Variants in PDE4B observed in about 807,000 individuals in gnomAD.
The protein encoded by PDE4B is phosphodiesterase 4B.
Under a neutral mutation model 82.2 loss-of-function variants are expected in PDE4B, and 20 were observed. The ratio of observed to expected loss-of-function variants is 0.24; its 90% CI spans 0.17 to 0.35. PDE4B has a LOEUF of 0.35. PDE4B is among the 10% of genes least tolerant of loss of function. The pLI is 1.00. For missense variants in PDE4B, 655 were observed against 907.2 expected, an observed-to-expected ratio of 0.72 and a Z score of 3.57; for synonymous variants, 320 against 318.9, an observed-to-expected ratio of 1.00 and a Z score of -0.04.
At chr1:66,027,378 G>T (rs1487109823) in intron 3 of PDE4B, among the ~76,000 whole-genome samples, 1 of 152,104 alleles carries the variant, frequency 6.6e-6, no homozygotes, top group African/African-American at 2.4e-5. Flanking sequence ...ACCTCCCCCT[G>T]GGTCCCTCCC....
intron 1 of PDE4B, among the ~76,000 whole-genome samples, chr1:65,813,893 CAAAAA>C (rs5774766): frequency 2.9e-5 from 3 of 103,416 alleles, no homozygotes; most frequent in Non-Finnish European, 4.0e-5. Context: ...GGCACTGCGG[CAAAAA>C]AAAAAAAAAA....
chr1:65,837,311 G>A (rs895684715), intron 1 of PDE4B, among the ~76,000 whole-genome samples: 2 of 152,108 alleles, frequency 1.3e-5, no homozygotes, highest in African/African-American at 2.4e-5. Context: ...CTACCTACAG[G>A]CCGGGCACAG....
At chr1:66,319,945 G>A (rs1373217538) in intron 7 of PDE4B, among the ~76,000 whole-genome samples, 1 of 151,988 alleles carries the variant, frequency 6.6e-6, no homozygotes, top group African/African-American at 2.4e-5. Flanking sequence ...CCAAAATTTG[G>A]CCCTGACCAC....
chr1:66,336,484 T>C (rs958147962), intron 8 of PDE4B, among the ~76,000 whole-genome samples: 6 of 152,208 alleles, frequency 3.9e-5, no homozygotes, highest in Non-Finnish European at 8.8e-5. Flanking sequence ...AAAAGCTATA[T>C]TCAAGCAACT....
chr1:66,013,828 G>T (rs1652623656), intron 3 of PDE4B, among the ~76,000 whole-genome samples: 1 of 152,082 alleles, frequency 6.6e-6, no homozygotes, highest in Admixed American at 6.6e-5. Flanking sequence ...AAATGGAAGT[G>T]CTGAGTCATA....
chr1:66,106,198 C>T (rs1181352886), intron 3 of PDE4B, among the ~76,000 whole-genome samples: 6 of 151,714 alleles, frequency 4.0e-5, no homozygotes, highest in Admixed American at 6.6e-5. Context: ...TTGAGATAAT[C>T]GTGGTTTTTG....
At chr1:66,314,945 C>G (rs184926298) in intron 7 of PDE4B, among the ~76,000 whole-genome samples, 4 of 152,186 alleles carry the variant, frequency 2.6e-5, no homozygotes, top group Non-Finnish European at 4.4e-5. Flanking sequence ...ATGGTTTGCC[C>G]TTGCTGTTTT....
At chr1:66,360,507 C>G (rs913516752) in intron 9 of PDE4B, 1 of 152,248 alleles carries the variant, frequency 6.6e-6, no homozygotes, top group Non-Finnish European at 1.5e-5. Context: ...GCAAAGTTGT[C>G]TTCCTACTAA....
intron 4 of PDE4B, among the ~76,000 whole-genome samples, chr1:66,252,829 C>T (rs576644982): frequency 6.6e-6 from 1 of 152,252 alleles, no homozygotes; most frequent in African/African-American, 2.4e-5. Flanking sequence ...GTCCCAGCTC[C>T]TCAGGAGGCT....
chr1:66,031,039 T>C (rs1268155065), intron 3 of PDE4B, among the ~76,000 whole-genome samples: 2 of 152,292 alleles, frequency 1.3e-5, no homozygotes, highest in African/African-American at 2.4e-5. Flanking sequence ...GACAGGGTCA[T>C]TGGGACCACA....
chr1:65,947,573 A>G (rs556866541), intron 3 of PDE4B, among the ~76,000 whole-genome samples: 2 of 152,172 alleles, frequency 1.3e-5, no homozygotes, highest in African/African-American at 4.8e-5. Flanking sequence ...AGATATTATT[A>G]GTTAAGATGA....
intron 8 of PDE4B, among the ~76,000 whole-genome samples, chr1:66,342,130 A>G (rs1034126272): frequency 6.6e-6 from 1 of 152,148 alleles, no homozygotes; most frequent in Non-Finnish European, 1.5e-5. Flanking sequence ...TATTAATGTA[A>G]TTATTTAAAT....
At chr1:65,931,957 A>G (rs914761752) in intron 3 of PDE4B, among the ~76,000 whole-genome samples, 2 of 152,216 alleles carry the variant, frequency 1.3e-5, no homozygotes, top group Non-Finnish European at 2.9e-5. Context: ...AGAAGTTTGC[A>G]CTGACAGTTA....
At chr1:66,344,140 A>G in intron 8 of PDE4B, among the ~76,000 whole-genome samples, 1 of 152,330 alleles carries the variant, frequency 6.6e-6, no homozygotes, top group East Asian at 1.9e-4. Flanking sequence ...TGCTGGCTCC[A>G]TTCTATAAGT....
chr1:66,032,203 T>C (rs1397964474), intron 3 of PDE4B, among the ~76,000 whole-genome samples: 1 of 152,206 alleles, frequency 6.6e-6, no homozygotes, highest in Non-Finnish European at 1.5e-5. Flanking sequence ...GCATAAGAAG[T>C]ATTTGGCATG....
At chr1:66,217,881 T>C (rs1302174397) in intron 3 of PDE4B, among the ~76,000 whole-genome samples, 1 of 152,076 alleles carries the variant, frequency 6.6e-6, no homozygotes, top group Non-Finnish European at 1.5e-5. Context: ...AAAAGTAGCT[T>C]GAGACGAGAT....
At chr1:65,993,739 G>T (rs1413146528) in intron 3 of PDE4B, among the ~76,000 whole-genome samples, 1 of 151,978 alleles carries the variant, frequency 6.6e-6, no homozygotes, top group Non-Finnish European at 1.5e-5. Context: ...CCAAAATGCT[G>T]TTATCTTTAA....
At chr1:65,996,345 T>C (rs1651541335) in intron 3 of PDE4B, among the ~76,000 whole-genome samples, 2 of 151,408 alleles carry the variant, frequency 1.3e-5, no homozygotes, top group Non-Finnish European at 1.5e-5. Flanking sequence ...ATATTATATA[T>C]AATCTTTTTT....
chr1:66,132,334 A>G (rs1220896533), intron 3 of PDE4B, among the ~76,000 whole-genome samples: 1 of 152,186 alleles, frequency 6.6e-6, no homozygotes, highest in Non-Finnish European at 1.5e-5. Flanking sequence ...GTTTCTTTCT[A>G]ACTGGAAGTT....
Sources: allele counts gnomAD v4.1 joint callset (sites outside exome capture counted in the v4.1 genomes callset), GRCh38; gene constraint gnomAD v4.1.1; transcripts MANE v1.5; gene names NCBI Gene and HGNC (gene_info 2026-07-23, HGNC 2026-07-21).